The following AP1M1 variants were observed in gnomAD, a reference collection of about 807,000 sequenced individuals.
AP1M1 encodes adaptor related protein complex 1 subunit mu 1, also known as AP-1 complex subunit mu-1.
A neutral mutation model predicts 57.1 loss-of-function variants in AP1M1; 18 were observed. That is an observed-to-expected ratio of 0.32 (90% CI 0.22 to 0.47). AP1M1 has a LOEUF of 0.47. Ranked by LOEUF, AP1M1 falls within the 20% of genes least tolerant of loss-of-function variation. The probability of loss-of-function intolerance (pLI) is 1.00; values close to 1 mark genes in which losing one functional copy is unlikely to be tolerated. For synonymous variants in AP1M1, 241 were observed against 237.9 expected, an observed-to-expected ratio of 1.01 and a Z score of -0.12; for missense variants, 362 against 593.5, an observed-to-expected ratio of 0.61 and a Z score of 4.05.
Position 16,231,236 on chromosome 19 carries a change from C to T in AP1M1, c.1048-2257C>T, listed in dbSNP as rs192703372. ...TCGGGAGGCGGAGCTTGCAGTGAGC[C>T]AAGATTGCACCACTGCACTCCAGCC... On this transcript the variant is annotated intron_variant, in intron 9 of 11. Coordinates refer to ENST00000291439, the MANE Select transcript of AP1M1 (RefSeq NM_032493.4). Among the ~76,000 whole-genome samples, 579 of 140,712 alleles carry T rather than the reference C, an allele frequency of 4.1e-3. 7 individuals are homozygous for T. Among genetic ancestry groups the T allele is most frequent in the African/African-American group, 0.014 (503 of 36,458 alleles). The allele number at this position is 140,712 out of a possible 152,430, so 92.3% of individuals were successfully genotyped here.
At position 16,232,450 on chromosome 19, in the gene AP1M1, TA is replaced by T. The variant is rs2091602938; in HGVS notation, c.1048-1041del. ...TTTGTGTTTTCCATTTGGTCTTTGC[TA>T]AGGTTCAGATTTGGGGTCTGGCTGA... On this transcript the variant is annotated intron_variant, in intron 9 of 11. Coordinates refer to ENST00000291439, the MANE Select transcript of AP1M1 (RefSeq NM_032493.4). Among the ~76,000 whole-genome samples, 4 of 152,240 alleles carry T rather than the reference TA, an allele frequency of 2.6e-5. No homozygotes were observed. In the South Asian group the frequency reaches 8.3e-4, roughly 32 times the overall value.
Position 16,234,671 on chromosome 19 carries a change from T to C in AP1M1, c.*236T>C, listed in dbSNP as rs1176823247. ...AAGTCTCGTTTCTTTGCCCCTGAAG[T>C]CAGTTTCAGGGGAAGGATGTGAAAT... On this transcript the variant is annotated 3_prime_UTR_variant, in exon 12 of 12. Transcript: ENST00000291439. The C allele has an allele frequency of 6.7e-6, 4 of 598,034 alleles. No individual in the cohort carries two copies. The African/African-American group carries it at 7.4e-5, about 11-fold the overall frequency. 37.0% of individuals were successfully genotyped at this position (598,034 alleles called of 1,614,324 possible). A position where few individuals can be genotyped will look rare whatever the true frequency, so the allele number is the denominator to read the frequency against.
At chr19:16,213,178 T>C (rs998597115) in intron 5 of AP1M1, among the ~76,000 whole-genome samples, 5 of 152,206 alleles carry the variant, frequency 3.3e-5, no homozygotes, top group African/African-American at 1.2e-4. Context: ...TGTCTAATAC[T>C]GTCAGTGGGG....
rs148439778 is a variant in AP1M1, at chr19:16,199,103, G to C, written c.42+1035G>C. On this transcript the variant is annotated intron_variant, in intron 1 of 11. Coordinates refer to ENST00000291439, the MANE Select transcript of AP1M1 (RefSeq NM_032493.4). ...GATTACAGGTGTGAGTCATGTGCCA[G>C]GGCTCAACAATCTGTGTTCTTACGG... Among the ~76,000 whole-genome samples the C allele has an allele frequency of 2.0e-3, 297 of 152,258 alleles. 1 individual carries two copies. Among genetic ancestry groups the C allele is most frequent in the African/African-American group, 6.9e-3 (288 of 41,556 alleles).
At position 16,206,637 on chromosome 19, in the gene AP1M1, G is replaced by C; in HGVS notation, c.267+229G>C. ...GAAGAAAGGAAAGTGAACAGGAAAA[G>C]GTAGGGCTCAGAGCAGGGGTGCCCT... On this transcript the variant is annotated intron_variant, in intron 3 of 11. Coordinates refer to ENST00000291439, the MANE Select transcript of AP1M1 (RefSeq NM_032493.4). This position sits in a 1 kb window ranked among gnomAD's most constrained non-coding sequence, Gnocchi z 4.3. The C allele has an allele frequency of 1.7e-6, 1 of 577,550 alleles. No individual in the cohort carries two copies. The highest frequency in any genetic ancestry group is 3.1e-6 in the Non-Finnish European group (1 of 320,504). The allele number at this position is 577,550 out of a possible 1,614,324, so 35.8% of individuals were successfully genotyped here.
In AP1M1 at chr19:16,238,157, G is replaced by A. The variant is rs1024104589; in HGVS notation, c.*3722G>A. The A allele has an allele frequency of 6.6e-6, 1 of 152,088 alleles. No individual in the cohort carries two copies. Among genetic ancestry groups the A allele is most frequent in the Non-Finnish European group, 1.5e-5 (1 of 68,034 alleles). 9.4% of individuals were successfully genotyped at this position (152,088 alleles called of 1,614,324 possible). The stretch of plus-strand genomic sequence containing the variant: ...GCCACGCCTCCTGAACATCTAGAAC[G>A]TGCTAGCTATGTACTGACTGTGGGA... On this transcript the variant is annotated 3_prime_UTR_variant, in exon 12 of 12. Coordinates refer to ENST00000291439, the MANE Select transcript of AP1M1 (RefSeq NM_032493.4).
chr19:16,206,196 C>A lies in AP1M1; in HGVS notation c.200-145C>A. ...CTAGCTTGGACCAGGAGCTTTGTAG[C>A]CCACCATGGGCCAAGTAAACGGCTG... is the stretch of plus-strand genomic sequence containing the variant. On this transcript the variant is annotated intron_variant, in intron 2 of 11. Transcript: ENST00000291439. The surrounding 1 kb of genome is among the most constrained non-coding windows in gnomAD (Gnocchi z 4.3). 2 of 787,694 alleles carry A rather than the reference C, an allele frequency of 2.5e-6. No individual in the cohort carries two copies. The highest frequency in any genetic ancestry group is 3.3e-5 in the South Asian group (2 of 61,426). The allele number at this position is 787,694 out of a possible 1,614,324, so 48.8% of individuals were successfully genotyped here. A position where few individuals can be genotyped will look rare whatever the true frequency, so the allele number is the denominator to read the frequency against.
Position 16,203,622 on chromosome 19 carries a change from C to A in AP1M1, c.199+7C>A. ...AAACACAACAACCTGTATCGTATCC[C>A]TTTGCTGGGGGTGCTCCCAGGGGAC... is the stretch of plus-strand genomic sequence containing the variant. On this transcript the variant is annotated splice_region_variant and intron_variant, in intron 2 of 11. Transcript: ENST00000291439. The surrounding 1 kb of genome is among the most constrained non-coding windows in gnomAD (Gnocchi z 4.6). The A allele has an allele frequency of 6.3e-7, 1 of 1,597,332 alleles. No homozygotes were observed. The highest frequency in any genetic ancestry group is 1.1e-5 in the South Asian group (1 of 89,234).
At chr19:16,222,195 TACTA>T (rs1156683070) in intron 5 of AP1M1, among the ~76,000 whole-genome samples, 18 of 117,126 alleles carry the variant, frequency 1.5e-4, no homozygotes, top group South Asian at 5.2e-4. Flanking sequence ...TTATTATTAT[TACTA>T]TTATTATTAT....
intron 5 of AP1M1, among the ~76,000 whole-genome samples, chr19:16,212,014 G>C (rs2091496609): frequency 6.6e-6 from 1 of 152,146 alleles, no homozygotes; most frequent in Non-Finnish European, 1.5e-5. Flanking sequence ...GTATTTTGTT[G>C]AGGATTTTTG....
rs376369808 is a variant in AP1M1 at position 16,208,025 on chromosome 19, T to A, written c.274T>A (p.Ser92Thr). 9 of 1,612,524 alleles carry A rather than the reference T, an allele frequency of 5.6e-6. No individual in the cohort carries two copies. The African/African-American group carries it at 1.1e-4, about 19-fold the overall frequency. Reference sequence around the variant, plus strand: ...CCCTCCCCAACCGCCACAGGTGTTTTCCGAGTACTTCAAGGAGCTGGAGGA... The same window carrying A: ...CCCTCCCCAACCGCCACAGGTGTTTACCGAGTACTTCAAGGAGCTGGAGGA... ...SFLYKVVQVF[S>T]EYFKELEEES... Residue 92 changes from serine to threonine, a missense_variant, in exon 4 of 12, where the codon TCC becomes ACC. Ser to Thr is a moderately conservative substitution (Grantham distance 58). This residue lies in a region of AP1M1 where 337 missense variants were observed against 511.1 expected (regional missense o/e 0.66). Coordinates refer to ENST00000291439, the MANE Select transcript of AP1M1 (RefSeq NM_032493.4).
At position 16,239,469 on chromosome 19, in the gene AP1M1, T is replaced by G. The variant is rs2091637543; in HGVS notation, c.*5034T>G. ...GCAGATTTGGAAGAAAAAAATAGATTAAAAATGTAGTCATAGGAATTAACA... is the reference window on the plus strand; with the variant it reads ...GCAGATTTGGAAGAAAAAAATAGATGAAAAATGTAGTCATAGGAATTAACA... On this transcript the variant is annotated 3_prime_UTR_variant, in exon 12 of 12. Transcript: ENST00000291439. 1 of 151,134 alleles carries G rather than the reference T, an allele frequency of 6.6e-6. No individual in the cohort carries two copies. Among genetic ancestry groups the G allele is most frequent in the Admixed American group, 6.6e-5 (1 of 15,098 alleles). 9.4% of individuals were successfully genotyped at this position (151,134 alleles called of 1,614,324 possible).
intron 5 of AP1M1, among the ~76,000 whole-genome samples, chr19:16,216,311 G>A (rs1045144311): frequency 1.3e-5 from 2 of 152,144 alleles, no homozygotes; most frequent in African/African-American, 2.4e-5. Context: ...CGGGTGTGGT[G>A]GCGGGCGCCT....
chr19:16,198,643 G>A (rs1428670040), intron 1 of AP1M1, among the ~76,000 whole-genome samples: 1 of 152,192 alleles, frequency 6.6e-6, no homozygotes. Context: ...GCATGGAGAG[G>A]TGAAGCAACC....
At chr19:16,205,113 G>A (rs932539433) in intron 2 of AP1M1, among the ~76,000 whole-genome samples, 5 of 152,254 alleles carry the variant, frequency 3.3e-5, no homozygotes, top group South Asian at 2.1e-4. Context: ...GATTACAGTC[G>A]TGAGCCACCG....
chr19:16,200,134 G>T (rs1229123453), intron 1 of AP1M1, among the ~76,000 whole-genome samples: 1 of 152,146 alleles, frequency 6.6e-6, no homozygotes, highest in Non-Finnish European at 1.5e-5. Context: ...AGGCCTCTCG[G>T]TCTAGCAGGG....
chr19:16,206,617 A>T lies in AP1M1; in HGVS notation c.267+209A>T. The T allele has an allele frequency of 3.3e-6, 2 of 607,742 alleles. No homozygotes were observed. The highest frequency in any genetic ancestry group is 3.0e-6 in the Non-Finnish European group (1 of 337,550). The allele number at this position is 607,742 out of a possible 1,614,324, so 37.6% of individuals were successfully genotyped here. On this transcript the variant is annotated intron_variant, in intron 3 of 11. Coordinates refer to ENST00000291439, the MANE Select transcript of AP1M1 (RefSeq NM_032493.4). This position sits in a 1 kb window ranked among gnomAD's most constrained non-coding sequence, Gnocchi z 4.3. ...CGTTGCTCCCCTACCGTGGGGAAGAAAGGAAAGTGAACAGGAAAAGGTAGG... is the reference window on the plus strand; with the variant it reads ...CGTTGCTCCCCTACCGTGGGGAAGATAGGAAAGTGAACAGGAAAAGGTAGG...
intron 9 of AP1M1, among the ~76,000 whole-genome samples, chr19:16,231,755 C>T (rs1240133785): frequency 6.6e-6 from 1 of 152,196 alleles, no homozygotes; most frequent in Non-Finnish European, 1.5e-5. Context: ...TGCACAAATA[C>T]CTCTTCAAGA....
At chr19:16,230,429 C>CT (rs1251507840) in intron 9 of AP1M1, among the ~76,000 whole-genome samples, 1 of 143,694 alleles carries the variant, frequency 7.0e-6, no homozygotes, top group Non-Finnish European at 1.5e-5. Flanking sequence ...GAGACGGAGT[C>CT]TCGCTCTGTC....
Sources: allele counts gnomAD v4.1 joint callset (sites outside exome capture counted in the v4.1 genomes callset), GRCh38; gene constraint gnomAD v4.1.1; regional missense constraint gnomAD v4.1.1; non-coding constraint Gnocchi (gnomAD v3.1); transcripts MANE v1.5; gene names NCBI Gene and HGNC (gene_info 2026-07-23, HGNC 2026-07-21).